Variants in TOGARAM1 observed in about 807,000 individuals in gnomAD.
TOGARAM1 encodes the protein TOG array regulator of axonemal microtubules protein 1.
Under a neutral mutation model 166.6 loss-of-function variants are expected in TOGARAM1, and 100 were observed. The ratio of observed to expected loss-of-function variants is 0.60; its 90% CI spans 0.51 to 0.71. TOGARAM1 has a LOEUF of 0.71. TOGARAM1 is among the 30% of genes least tolerant of loss of function. The pLI, the probability that TOGARAM1 is intolerant of heterozygous loss-of-function variation, is 0.00. For missense variants in TOGARAM1, 2,029 were observed against 2,102.7 expected (o/e 0.96, Z 0.69); for synonymous variants, 758 against 763.8 (o/e 0.99, Z 0.13).
At chr14:45,059,659 AAAAAC>A (rs530739583) in intron 16 of TOGARAM1, among the ~76,000 whole-genome samples, 45 of 152,000 alleles carry the variant, frequency 3.0e-4, no homozygotes, top group East Asian at 5.8e-4. Context: ...CTGTCTCAAA[AAAAAC>A]AAAACAAAAC....
At position 44,963,667 on chromosome 14, in the gene TOGARAM1, G is replaced by C. The variant is rs3825629; in HGVS notation, c.1246G>C (p.Glu416Gln). The change falls in exon 1 of 20, where the codon GAA becomes CAA. Residue 416 changes from glutamate (E) to glutamine (Q), a missense_variant. Transcript: ENST00000361462. ...CTTCAAAGTGGTGCATGGCACACTT[G>C]AAGTCCTGCATTTACTGGTTATTCG... ...SNFKVVHGTL[E>Q]VLHLLVIRLG... 0.077 allele frequency: 123,772 copies of C among 1,613,246 alleles called. 9,240 individuals carry two copies. The highest frequency in any genetic ancestry group is 0.39 in the African/African-American group (29,043 of 74,936).
At chr14:44,980,282 GA>G (rs758492313) in intron 1 of TOGARAM1, among the ~76,000 whole-genome samples, 129 of 151,852 alleles carry the variant, frequency 8.5e-4, no homozygotes, top group Admixed American at 2.8e-3. Context: ...AAAATTTCCA[GA>G]AAAAAAATCA....
chr14:45,037,037 T>C lies in TOGARAM1; in HGVS notation c.3812+4661T>C, dbSNP rs150850431. ...CTTATTCACTATCATGAGAATAGCA[T>C]GGGAAAGACTGGCCCCCATGATTCA... On this transcript the variant is annotated intron_variant, in intron 11 of 19. Coordinates refer to ENST00000361462, the MANE Select transcript of TOGARAM1 (RefSeq NM_001308120.2). Among the ~76,000 whole-genome samples the C allele has an allele frequency of 1.7e-3, 261 of 152,248 alleles. 2 individuals carry two copies. Among genetic ancestry groups the C allele is most frequent in the African/African-American group, 5.9e-3 (244 of 41,540 alleles).
intron 6 of TOGARAM1, among the ~76,000 whole-genome samples, chr14:45,011,365 T>G (rs1455461421): frequency 2.0e-5 from 3 of 152,058 alleles, no homozygotes; most frequent in African/African-American, 7.2e-5. Flanking sequence ...CAGGCTGGAG[T>G]GTAGTAGTTC....
chr14:45,068,064 T>C (rs1383047809), intron 17 of TOGARAM1, among the ~76,000 whole-genome samples: 2 of 152,116 alleles, frequency 1.3e-5, no homozygotes, highest in African/African-American at 4.8e-5. Flanking sequence ...AACAGAAACT[T>C]TTCTAAGTTC....
At position 45,025,792 on chromosome 14, in the gene TOGARAM1, C is replaced by A. The variant is rs1463041654; in HGVS notation, c.3248C>A (p.Ser1083Ter). The A allele has an allele frequency of 1.2e-6, 2 of 1,601,524 alleles. No homozygotes were observed. The highest frequency in any genetic ancestry group is 1.7e-6 in the Non-Finnish European group (2 of 1,169,536). Reference protein sequence around the residue: ...AEQSPSAGSSSNPQQISSFDF... With the variant: ...AEQSPSAGSS ...TTTGGGGGATTTACAGGGTCATCAT[C>A]AAATCCACAGCAAATTTCCAGTTTT... Residue 1083 changes from serine (S) to a stop codon, truncating the protein, a stop_gained, in exon 8 of 20, where the codon TCA (serine) becomes TAA (stop). Transcript: ENST00000361462. LOFTEE classifies it high-confidence loss of function.
intron 1 of TOGARAM1, among the ~76,000 whole-genome samples, chr14:44,989,299 A>G (rs890393629): frequency 6.6e-5 from 10 of 152,220 alleles, no homozygotes; most frequent in African/African-American, 2.4e-4. Context: ...CTAATTTATA[A>G]TTAAATAAAT....
intron 7 of TOGARAM1, among the ~76,000 whole-genome samples, chr14:45,017,114 T>G (rs748970633): frequency 1.3e-5 from 2 of 152,118 alleles, no homozygotes; most frequent in Non-Finnish European, 2.9e-5. Flanking sequence ...GGTTAGTAAA[T>G]TTCATGACAA....
intron 1 of TOGARAM1, among the ~76,000 whole-genome samples, chr14:44,992,117 A>C (rs1219642893): frequency 6.6e-6 from 1 of 150,832 alleles, no homozygotes; most frequent in Non-Finnish European, 1.5e-5. Context: ...CCAAAAAAAA[A>C]ACACCAAAAA....
At chr14:45,002,004 G>A (rs1887709876) in intron 3 of TOGARAM1, among the ~76,000 whole-genome samples, 1 of 151,992 alleles carries the variant, frequency 6.6e-6, no homozygotes, top group Non-Finnish European at 1.5e-5. Context: ...AAATTTTATT[G>A]TATGTCCTTT....
chr14:45,041,257 C>T (rs547381470), intron 11 of TOGARAM1, among the ~76,000 whole-genome samples: 81 of 151,914 alleles, frequency 5.3e-4, no homozygotes, highest in African/African-American at 1.9e-3. Context: ...AATAATTAGC[C>T]GGCCATGGTG....
chr14:45,059,913 ATT>A (rs1210596745), intron 16 of TOGARAM1, among the ~76,000 whole-genome samples: 12 of 138,514 alleles, frequency 8.7e-5, no homozygotes, highest in Admixed American at 1.5e-4. Context: ...TAGAAATGCA[ATT>A]TTTTTTTTTT....
Position 45,032,302 on chromosome 14 carries a change from GTCAGAACTAC to G in TOGARAM1, c.3739_3748del (p.Ser1247AspfsTer8). On this transcript the variant is annotated frameshift_variant, in exon 11 of 20. Transcript: ENST00000361462. LOFTEE classifies it high-confidence loss of function. Reference sequence around the variant, plus strand: ...CTCATAGTCCAGAAATAATGGATCTGTCAGAACTACGACCATTCTCTAAACCAGAAATAGC... The same window carrying G: ...CTCATAGTCCAGAAATAATGGATCTGGACCATTCTCTAAACCAGAAATAGC... The G allele has an allele frequency of 1.2e-6, 2 of 1,614,094 alleles. No homozygotes were observed. The highest frequency in any genetic ancestry group is 1.7e-6 in the Non-Finnish European group (2 of 1,179,996).
chr14:45,042,918 C>G (rs970698548), intron 11 of TOGARAM1, among the ~76,000 whole-genome samples: 2 of 152,146 alleles, frequency 1.3e-5, no homozygotes, highest in African/African-American at 4.8e-5. Flanking sequence ...CCCGGTCACT[C>G]AGGAGCTCTG....
rs1009287987 is a variant in TOGARAM1 at position 44,979,315 on chromosome 14, G to A, written c.2046+14848G>A. ...GGGGACTGGGAAATCCAAGATCAAG[G>A]CATTGGCAAATTCAGCGTCCAGTTA... On this transcript the variant is annotated intron_variant, in intron 1 of 19. Coordinates refer to ENST00000361462, the MANE Select transcript of TOGARAM1 (RefSeq NM_001308120.2). Among the ~76,000 whole-genome samples the A allele has an allele frequency of 2.0e-5, 3 of 152,108 alleles. No individual in the cohort carries two copies. In the South Asian group the frequency reaches 6.2e-4, roughly 32 times the overall value.
chr14:45,063,479 G>GTTT (rs373702236), intron 16 of TOGARAM1, among the ~76,000 whole-genome samples: 2,846 of 118,532 alleles, frequency 0.024, 200 homozygotes, highest in African/African-American at 0.097. Flanking sequence ...ATTTGACAAA[G>GTTT]TTTTTTTTTT....
rs777475831 is a variant in TOGARAM1 at position 44,963,617 on chromosome 14, T to C, written c.1196T>C (p.Leu399Pro). The C allele has an allele frequency of 6.2e-7, 1 of 1,613,614 alleles. No individual in the cohort carries two copies. The highest frequency in any genetic ancestry group is 8.5e-7 in the Non-Finnish European group (1 of 1,179,996). Residue 399 changes from leucine to proline, a missense_variant, in exon 1 of 20, where the codon CTA (leucine) becomes CCA (proline). By Grantham distance (98) the Leu-to-Pro change is moderately conservative (BLOSUM62 -3). Transcript: ENST00000361462. Reference protein sequence around the residue: ...HSSLVGFISLLYNLLDDSNFK... With the variant: ...HSSLVGFISLPYNLLDDSNFK... Reference sequence around the variant, plus strand: ...AGTCTTGTTGGCTTCATTAGTTTGCTATATAATTTGTTAGACGATTCTAAC... The same window carrying C: ...AGTCTTGTTGGCTTCATTAGTTTGCCATATAATTTGTTAGACGATTCTAAC...
At chr14:45,044,540 C>CAAA (rs11393574) in intron 12 of TOGARAM1, 95 bp from the exon 13 acceptor site, 507 of 661,760 alleles carry the variant, frequency 7.7e-4, no homozygotes, top group Non-Finnish European at 9.8e-4. Context: ...GACCCTAACT[C>CAAA]AAAAAAAAAA....
intron 16 of TOGARAM1, among the ~76,000 whole-genome samples, chr14:45,057,755 T>G (rs1882709170): frequency 6.6e-6 from 1 of 152,206 alleles, no homozygotes; most frequent in African/African-American, 2.4e-5. Context: ...GTTCCTAAAT[T>G]TCATCTTGGT....
Sources: gnomAD v4.1 joint callset for allele counts (sites outside exome capture counted in the v4.1 genomes callset) on GRCh38, gnomAD v4.1.1 for gene constraint, MANE v1.5 for transcripts, NCBI Gene and HGNC (gene_info 2026-07-23, HGNC 2026-07-21) for gene names.